The following LARP1B variants were observed in gnomAD, a reference collection of about 807,000 sequenced individuals.
LARP1B encodes la-related protein 1B.
LARP1B carries 76 observed loss-of-function variants against 114.2 expected under a neutral mutation model. The observed-to-expected ratio is 0.67, with a 90% CI of 0.55 to 0.81. The LOEUF is 0.81. LARP1B is among the 30% of genes least tolerant of loss of function. The pLI is 0.00. For missense variants in LARP1B, 1,014 were observed against 1,075.8 expected, an observed-to-expected ratio of 0.94 and a Z score of 0.80; for synonymous variants, 345 against 348.0, an observed-to-expected ratio of 0.99 and a Z score of 0.10.
chr4:128,195,927 T>C (rs1753906294), intron 15 of LARP1B, among the ~76,000 whole-genome samples: 1 of 152,114 alleles, frequency 6.6e-6, no homozygotes, highest in Non-Finnish European at 1.5e-5. Context: ...GGGATATTAC[T>C]ACTGGTTGAC....
intron 5 of LARP1B, among the ~76,000 whole-genome samples, chr4:128,084,782 A>G (rs1772731116): frequency 1.3e-5 from 2 of 152,200 alleles, no homozygotes; most frequent in African/African-American, 2.4e-5. Context: ...TTTGATTACA[A>G]CATTGATTAA....
At chr4:128,216,621 A>C (rs1386770922), downstream of LARP1B, among the ~76,000 whole-genome samples, 3 of 150,604 alleles carry the variant, frequency 2.0e-5, no homozygotes, top group Middle Eastern at 3.4e-3. Context: ...GACATACCAG[A>C]ATCTCTGGGA....
intron 7 of LARP1B, among the ~76,000 whole-genome samples, chr4:128,097,286 T>C (rs1223580094): frequency 1.3e-5 from 2 of 152,040 alleles, no homozygotes; most frequent in African/African-American, 4.8e-5. Context: ...TATGCCTGTG[T>C]GTTCACTAAG....
intron 9 of LARP1B, among the ~76,000 whole-genome samples, chr4:128,112,466 A>ATTTTTTTTTTTTTTT (rs1174266918): frequency 2.9e-5 from 2 of 69,322 alleles, no homozygotes; most frequent in African/African-American, 6.1e-5. Context: ...TGCTTACTCT[A>ATTTTTTTTTTTTTTT]TTTTTTTTTT....
chr4:128,155,333 G>A, intron 11 of LARP1B: 1 of 528,918 alleles, frequency 1.9e-6, no homozygotes, highest in Non-Finnish European at 3.4e-6. Flanking sequence ...GTCAAAATCT[G>A]GAAAGAGAGT....
At chr4:128,108,123 CTCTTTT>C in intron 9 of LARP1B, 1 of 1,330,286 alleles carries the variant, frequency 7.5e-7, no homozygotes, top group Non-Finnish European at 9.6e-7. Context: ...AGGACTGCTA[CTCTTTT>C]TATAGGAGCT....
intron 15 of LARP1B, among the ~76,000 whole-genome samples, chr4:128,194,468 G>A (rs913007450): frequency 6.6e-6 from 1 of 151,148 alleles, no homozygotes; most frequent in Non-Finnish European, 1.5e-5. Flanking sequence ...GGATCACGAG[G>A]TCAGGAGATT....
At chr4:128,217,219 G>A (rs1456488425) in intron 6 of LARP1B, among the ~76,000 whole-genome samples, 1 of 127,544 alleles carries the variant, frequency 7.8e-6, no homozygotes, top group Non-Finnish European at 1.6e-5. Context: ...GAGGTACAAG[G>A]AGGAACTGGT....
intron 11 of LARP1B, among the ~76,000 whole-genome samples, chr4:128,142,427 A>G (rs1728439682): frequency 6.6e-6 from 1 of 152,036 alleles, no homozygotes; most frequent in Non-Finnish European, 1.5e-5. Context: ...TTACATAGAA[A>G]CTGTGCCATC....
At chr4:128,100,275 T>C (rs530775252) in intron 8 of LARP1B, among the ~76,000 whole-genome samples, 34 of 151,624 alleles carry the variant, frequency 2.2e-4, no homozygotes, top group Admixed American at 5.9e-4. Flanking sequence ...TGATTGTGTT[T>C]TTTTGTTTGT....
chr4:128,066,621 G>A (rs543670527), intron 1 of LARP1B, among the ~76,000 whole-genome samples: 3 of 151,750 alleles, frequency 2.0e-5, no homozygotes, highest in Non-Finnish European at 4.4e-5. Context: ...GGGATAACAG[G>A]CAAGCGGCAC....
chr4:128,135,656 T>C (rs1358873425), intron 11 of LARP1B, among the ~76,000 whole-genome samples: 2 of 152,192 alleles, frequency 1.3e-5, no homozygotes, highest in Admixed American at 6.5e-5. Context: ...AAGGGAAATA[T>C]TCAGTCACAA....
At chr4:128,153,265 G>A (rs1034110273) in intron 11 of LARP1B, among the ~76,000 whole-genome samples, 2 of 151,242 alleles carry the variant, frequency 1.3e-5, no homozygotes, top group African/African-American at 4.9e-5. Flanking sequence ...TTACAGGCAT[G>A]AACCACCACG....
Position 128,091,458 on chromosome 4 carries a change from T to C in LARP1B, c.614T>C (p.Val205Ala). 6 of 1,610,404 alleles carry C rather than the reference T, an allele frequency of 3.7e-6. No homozygotes were observed. Among genetic ancestry groups the C allele is most frequent in the Non-Finnish European group, 4.2e-6 (5 of 1,176,916 alleles). Residue 205 changes from valine (V) to alanine (A), a missense_variant, in exon 7 of 20, where the codon GTA becomes GCA. By Grantham distance (64) the Val-to-Ala change is moderately conservative. Coordinates refer to ENST00000326639, the MANE Select transcript of LARP1B (RefSeq NM_018078.4). ...MMYYYDDGTG[V>A]QVYPVEEALL... The stretch of plus-strand genomic sequence containing the variant: ...TATTACTATGATGATGGTACAGGTG[T>C]ACAGGTGTATCCTGTGGAAGAAGCA...
intron 15 of LARP1B, among the ~76,000 whole-genome samples, chr4:128,195,672 G>T (rs1180722575): frequency 1.3e-5 from 2 of 152,076 alleles, no homozygotes; most frequent in Non-Finnish European, 2.9e-5. Context: ...TATAGAGACA[G>T]GGAAGTTTAT....
chr4:128,089,298 T>TAGG (rs1308275502), intron 5 of LARP1B, among the ~76,000 whole-genome samples: 1 of 152,170 alleles, frequency 6.6e-6, no homozygotes, highest in Non-Finnish European at 1.5e-5. Flanking sequence ...ATTTTCAAAG[T>TAGG]AGATATACCT....
At chr4:128,199,976 C>T (rs146516648) in intron 16 of LARP1B, among the ~76,000 whole-genome samples, 40 of 152,222 alleles carry the variant, frequency 2.6e-4, no homozygotes, top group African/African-American at 9.4e-4. Context: ...ATCCCAGCTA[C>T]CCAGGAGATT....
chr4:128,175,950 T>C (rs1448962401), intron 12 of LARP1B, among the ~76,000 whole-genome samples: 1 of 151,598 alleles, frequency 6.6e-6, no homozygotes, highest in African/African-American at 2.4e-5. Flanking sequence ...GACCATAATC[T>C]AGGTGCTAGG....
chr4:128,183,619 C>G (rs1749318635), intron 15 of LARP1B, among the ~76,000 whole-genome samples: 1 of 152,120 alleles, frequency 6.6e-6, no homozygotes, highest in African/African-American at 2.4e-5. Context: ...CACATTTATT[C>G]TGCAGTCCAT....
Sources: allele counts gnomAD v4.1 joint callset (sites outside exome capture counted in the v4.1 genomes callset), GRCh38; gene constraint gnomAD v4.1.1; transcripts MANE v1.5; gene names NCBI Gene and HGNC (gene_info 2026-07-23, HGNC 2026-07-21).